CIMAP1D: variants seen among roughly 807,000 people sequenced by gnomAD.
CIMAP1D encodes the protein CIMAP1 family member D.
At chr19:473,469 C>T in the CIMAP1D span, among the ~76,000 whole-genome samples, 1 of 68,572 alleles carries the variant, frequency 1.5e-5, no homozygotes, top group Non-Finnish European at 3.0e-5. Context: ...GCCTGAGCCT[C>T]CCAGAGATAC....
chr19:464,007 T>C, the CIMAP1D span: 1 of 1,608,152 alleles, frequency 6.2e-7, no homozygotes, highest in Non-Finnish European at 8.5e-7. Context: ...GCCGGGGGTC[T>C]CCTCCAGGGG....
the CIMAP1D span, among the ~76,000 whole-genome samples, chr19:480,711 G>C: frequency 1.1e-3 from 157 of 139,626 alleles, 6 homozygotes; most frequent in African/African-American, 2.6e-3. Context: ...TGATGGAGAA[G>C]GAATGTGGGA....
chr19:489,113 C>CG, the CIMAP1D span: 1 of 151,754 alleles, frequency 6.6e-6, no homozygotes, highest in African/African-American at 2.4e-5. Context: ...GGGGGCCGCG[C>CG]GGGAGCTGCC....
the CIMAP1D span, among the ~76,000 whole-genome samples, chr19:470,687 T>C: frequency 6.6e-6 from 1 of 152,064 alleles, no homozygotes; most frequent in Non-Finnish European, 1.5e-5. Context: ...CCAGCAGGCC[T>C]CTGTCCAAAT....
At chr19:485,891 A>C in the CIMAP1D span, among the ~76,000 whole-genome samples, 1 of 151,906 alleles carries the variant, frequency 6.6e-6, no homozygotes, top group African/African-American at 2.4e-5. Flanking sequence ...GCCACTCCCC[A>C]CTTCCCTGAG....
At chr19:469,025 G>GAAACGTCATCCAAACCTTTGCCCT in the CIMAP1D span, among the ~76,000 whole-genome samples, 2 of 151,944 alleles carry the variant, frequency 1.3e-5, no homozygotes, top group African/African-American at 4.8e-5. Flanking sequence ...AGACCTCCCC[G>GAAACGTCATCCAAACCTTTGCCCT]CCACAGGCAC....
chr19:480,478 G>A, the CIMAP1D span, among the ~76,000 whole-genome samples: 7,737 of 125,564 alleles, frequency 0.062, 1,778 homozygotes, highest in African/African-American at 0.25. Context: ...AGGATGATGG[G>A]GAAGGATGAT....
chr19:489,639 C>G, the CIMAP1D span: 1 of 175,956 alleles, frequency 5.7e-6, no homozygotes, highest in African/African-American at 2.4e-5. Flanking sequence ...TGTGGGTGAC[C>G]GTGCAGGCCA....
At chr19:479,196 C>T in the CIMAP1D span, among the ~76,000 whole-genome samples, 1 of 152,296 alleles carries the variant, frequency 6.6e-6, no homozygotes, top group Admixed American at 6.5e-5. Flanking sequence ...GGGCCATCAC[C>T]ACCCAGGCAC....
the CIMAP1D span, chr19:464,272 G>A: frequency 1.6e-5 from 25 of 1,538,302 alleles, no homozygotes; most frequent in African/African-American, 2.8e-5. Flanking sequence ...AGGGGGAGGC[G>A]GCAGCCCAGG....
the CIMAP1D span, among the ~76,000 whole-genome samples, chr19:477,963 C>T: frequency 4.6e-5 from 7 of 152,332 alleles, no homozygotes; most frequent in South Asian, 1.0e-3. Context: ...TCGGCCTCTG[C>T]CTGAGCTCTC....
At chr19:466,418 A>G in the CIMAP1D span, among the ~76,000 whole-genome samples, 1 of 117,410 alleles carries the variant, frequency 8.5e-6, no homozygotes, top group Non-Finnish European at 1.7e-5. Flanking sequence ...GGTTAGGTAG[A>G]TGGTGGATGG....
chr19:481,121 GTGGGAAGGATGAT>G, the CIMAP1D span, among the ~76,000 whole-genome samples: 1 of 62,126 alleles, frequency 1.6e-5, no homozygotes, highest in Non-Finnish European at 2.8e-5. Context: ...GAGAAGGAAT[GTGGGAAGGATGAT>G]GGGGAAGGAT....
chr19:490,237 T>G, the CIMAP1D span: 1 of 302,830 alleles, frequency 3.3e-6, no homozygotes, highest in Non-Finnish European at 6.0e-6. Context: ...ATGCCTGTGG[T>G]CCCACCTACT....
the CIMAP1D span, among the ~76,000 whole-genome samples, chr19:482,455 G>A: frequency 6.6e-6 from 1 of 152,190 alleles, no homozygotes; most frequent in African/African-American, 2.4e-5. Flanking sequence ...AGGACCAGGA[G>A]TGCTGATGAC....
At chr19:465,372 T>A in the CIMAP1D span, among the ~76,000 whole-genome samples, 1 of 144,108 alleles carries the variant, frequency 6.9e-6, no homozygotes, top group Non-Finnish European at 1.5e-5. Context: ...GATGGGTGGA[T>A]GGATGGGTAT....
chr19:491,095 C>CAAAA, the CIMAP1D span, among the ~76,000 whole-genome samples: 3,446 of 114,914 alleles, frequency 0.03, 170 homozygotes, highest in East Asian at 0.21. Flanking sequence ...GGCTTTGTCT[C>CAAAA]AAAAAAAAAA....
chr19:473,437 G>A, the CIMAP1D span, among the ~76,000 whole-genome samples: 17 of 93,928 alleles, frequency 1.8e-4, 1 homozygote, highest in Middle Eastern at 6.8e-3. Flanking sequence ...AGAGATACAC[G>A]ATCACAGATG....
At chr19:488,878 C>T in the CIMAP1D span, among the ~76,000 whole-genome samples, 5 of 152,134 alleles carry the variant, frequency 3.3e-5, no homozygotes, top group African/African-American at 1.2e-4. Flanking sequence ...TGCCGGGCCC[C>T]ACGCAAGGGC....
Sources: allele counts gnomAD v4.1 joint callset (sites outside exome capture counted in the v4.1 genomes callset), GRCh38; gene constraint gnomAD v4.1.1; transcripts MANE v1.5; gene names NCBI Gene and HGNC (gene_info 2026-07-23, HGNC 2026-07-21).